The following IZUMO2 variants were observed in gnomAD, a reference collection of about 807,000 sequenced individuals.
IZUMO2 encodes izumo sperm-egg fusion protein 2.
IZUMO2 carries 24 observed loss-of-function variants against 31.2 expected under a neutral mutation model. The ratio of observed to expected loss-of-function variants is 0.77; its 90% confidence interval spans 0.56 to 1.08. IZUMO2 has a LOEUF of 1.08. Among genes scored for constraint, IZUMO2 ranks in the 50% least tolerant of loss-of-function variants. The pLI is 0.00. For synonymous variants in IZUMO2, 144 were observed against 117.3 expected, an observed-to-expected ratio of 1.23 and a Z score of -1.47; for missense variants, 278 against 274.0, an observed-to-expected ratio of 1.01 and a Z score of -0.10.
At position 50,162,752 on chromosome 19, in the gene IZUMO2, A is replaced by G; in HGVS notation, c.294T>C (p.Gly98=). The change falls in exon 2 of 7, where the codon GGT becomes GGC. Residue 98 remains glycine, a synonymous_variant. Coordinates refer to ENST00000293405, the MANE Select transcript of IZUMO2 (RefSeq NM_152358.3). ...FVKNQTQHLM[G]NSLKDEPLLE... is the part of the protein sequence containing the mutation. Reference sequence around the variant, plus strand: ...CGTCTCTCCTACCTTTCAGAGAGTTACCCATTAAGTGCTGCGTTTGGTTCT... The same window carrying G: ...CGTCTCTCCTACCTTTCAGAGAGTTGCCCATTAAGTGCTGCGTTTGGTTCT... The G allele has an allele frequency of 6.2e-7, 1 of 1,613,756 alleles. No homozygotes were observed. The highest frequency in any genetic ancestry group is 8.5e-7 in the Non-Finnish European group (1 of 1,179,760).
chr19:50,153,566 A>G (rs1430584581), intron 6 of IZUMO2: 1 of 152,046 alleles, frequency 6.6e-6, no homozygotes, highest in Non-Finnish European at 1.5e-5. Context: ...CTTTGGGAGG[A>G]TGAGGCAGGT....
At position 50,158,288 on chromosome 19, in the gene IZUMO2, A is replaced by G; in HGVS notation, c.476T>C (p.Ile159Thr). 3.1e-6 allele frequency: 5 copies of G among 1,609,838 alleles called. No individual in the cohort carries two copies. The highest frequency in any genetic ancestry group is 4.2e-6 in the Non-Finnish European group (5 of 1,177,588). Residue 159 changes from isoleucine (I) to threonine (T), a missense_variant, in exon 5 of 7, where the codon ATC becomes ACC. Transcript: ENST00000293405. Reference sequence around the variant, plus strand: ...CTTACCAAAGCAGTACTTTTTGTGGATACACTTGGGAGTGATCCTCTGGCA... The same window carrying G: ...CTTACCAAAGCAGTACTTTTTGTGGGTACACTTGGGAGTGATCCTCTGGCA... ...LHCQRITPKC[I>T]HKKYCFVDRQ... is the part of the protein sequence containing the mutation.
At position 50,159,565 on chromosome 19, in the gene IZUMO2, TC is replaced by T; in HGVS notation, c.322del (p.Glu108LysfsTer4). 6.2e-7 allele frequency: 1 copy of T among 1,612,748 alleles called. No individual in the cohort carries two copies. Among genetic ancestry groups the T allele is most frequent in the Non-Finnish European group, 8.5e-7 (1 of 1,178,846 alleles). On this transcript the variant is annotated frameshift_variant, in exon 3 of 7. Transcript: ENST00000293405. LOFTEE classifies it high-confidence loss of function. ...ATTCGCCCTGAGGGTCACCAGCTCT[TC>T]CAGCAGAGGCTCATCTGAGGAGAGA... ...GNSLKDEPLL[E>X]ELVTLRANVI... is the part of the protein sequence containing the mutation.
In IZUMO2 at chr19:50,159,548, T is replaced by C; in HGVS notation, c.340A>G (p.Arg114Gly). 2 of 1,613,476 alleles carry C rather than the reference T, an allele frequency of 1.2e-6. No homozygotes were observed. Among genetic ancestry groups the C allele is most frequent in the Non-Finnish European group, 1.7e-6 (2 of 1,179,470 alleles). ...TTGAATTCCTTGATCACATTCGCCCTGAGGGTCACCAGCTCTTCCAGCAGA... is the reference window on the plus strand; with the variant it reads ...TTGAATTCCTTGATCACATTCGCCCCGAGGGTCACCAGCTCTTCCAGCAGA... ...EPLLEELVTLRANVIKEFKKV... is the reference protein window; with the variant it reads ...EPLLEELVTLGANVIKEFKKV... Residue 114 changes from arginine to glycine, a missense_variant, in exon 3 of 7, where the codon AGG becomes GGG. Arg to Gly is a moderately radical substitution (Grantham distance 125). Coordinates refer to ENST00000293405, the MANE Select transcript of IZUMO2 (RefSeq NM_152358.3).
chr19:50,163,279 C>T lies in IZUMO2; in HGVS notation c.-85G>A. The T allele has an allele frequency of 1.1e-6, 1 of 948,888 alleles. No individual in the cohort carries two copies. The highest frequency in any genetic ancestry group is 1.7e-5 in the African/African-American group (1 of 60,052). 58.8% of individuals were successfully genotyped at this position (948,888 alleles called of 1,614,324 possible). The stretch of plus-strand genomic sequence containing the variant: ...CGCGGTCAGGAGGCCCAGGGAGCAT[C>T]ACGGTGTTACAGGCACGTGTTCGCT... On this transcript the variant is annotated 5_prime_UTR_variant, in exon 1 of 7. Transcript: ENST00000293405.
intron 5 of IZUMO2, among the ~76,000 whole-genome samples, chr19:50,156,968 GTGTGGGAACGACAT>G (rs1323833517): frequency 2.0e-5 from 3 of 152,178 alleles, no homozygotes; most frequent in Non-Finnish European, 2.9e-5. Flanking sequence ...GGTTTGGAGG[GTGTGGGAACGACAT>G]TGTGGCTACT....
In IZUMO2 at chr19:50,163,122, C is replaced by T; in HGVS notation, c.73G>A (p.Asp25Asn). 1.2e-6 allele frequency: 2 copies of T among 1,603,772 alleles called. No homozygotes were observed. Among genetic ancestry groups the T allele is most frequent in the South Asian group, 1.1e-5 (1 of 89,964 alleles). Residue 25 changes from aspartate (D) to asparagine (N), a missense_variant, in exon 1 of 7, where the codon GAC becomes AAC. Physicochemically the swap from Asp to Asn is conservative, Grantham distance 23 (BLOSUM62 1). Transcript: ENST00000293405. ...APGGWGCLQC[D>N]PLVLEALGHL... ...CCCAGGGCCTCCAGCACCAAGGGGT[C>T]GCACTGCAGGCAGCCCCAGCCTCCG...
At chr19:50,152,872 A>C (rs111354168) in intron 6 of IZUMO2, among the ~76,000 whole-genome samples, 235 of 152,264 alleles carry the variant, frequency 1.5e-3, no homozygotes, top group African/African-American at 5.3e-3. Flanking sequence ...TGATGGTCAA[A>C]TGTGGGAACA....
At position 50,162,760 on chromosome 19, in the gene IZUMO2, A is replaced by G; in HGVS notation, c.286T>C (p.Leu96=). 6.2e-7 allele frequency: 1 copy of G among 1,614,002 alleles called. No individual in the cohort carries two copies. Among genetic ancestry groups the G allele is most frequent in the Non-Finnish European group, 8.5e-7 (1 of 1,179,964 alleles). The change falls in exon 2 of 7, where the codon TTA becomes CTA. Residue 96 remains leucine, a synonymous_variant. Transcript: ENST00000293405. ...ASFVKNQTQH[L]MGNSLKDEPL... is the part of the protein sequence containing the mutation. The stretch of plus-strand genomic sequence containing the variant: ...CTACCTTTCAGAGAGTTACCCATTA[A>G]GTGCTGCGTTTGGTTCTTGACAAAG...
intron 6 of IZUMO2, among the ~76,000 whole-genome samples, chr19:50,152,895 A>G (rs2030076864): frequency 6.6e-6 from 1 of 152,118 alleles, no homozygotes; most frequent in Admixed American, 6.6e-5. Context: ...AAGAGTCCAA[A>G]AAGACAAGAG....
rs2030290028 is a variant in IZUMO2 at position 50,158,451 on chromosome 19, T to C, written c.416-103A>G. 4.5e-6 allele frequency: 3 copies of C among 665,288 alleles called. No homozygotes were observed. In the South Asian group the frequency reaches 6.5e-5, roughly 14 times the overall value. 41.2% of individuals were successfully genotyped at this position (665,288 alleles called of 1,614,324 possible). A position where few individuals can be genotyped will look rare whatever the true frequency, so the allele number is the denominator to read the frequency against. On this transcript the variant is annotated intron_variant, in intron 4 of 6. Coordinates refer to ENST00000293405, the MANE Select transcript of IZUMO2 (RefSeq NM_152358.3). ...AGAGGAGATGGGGTCCCTTGGCTTCTCCTAAATTTCATAGGTCCCACTGCC... is the reference window on the plus strand; with the variant it reads ...AGAGGAGATGGGGTCCCTTGGCTTCCCCTAAATTTCATAGGTCCCACTGCC...
chr19:50,159,095 T>C, intron 4 of IZUMO2, 135 bp downstream of exon 4: 1 of 796,668 alleles, frequency 1.3e-6, no homozygotes, highest in Non-Finnish European at 2.1e-6. Flanking sequence ...AAAGCAAATC[T>C]CCCTAGGTAC....
chr19:50,160,974 A>G (rs1462033153), intron 2 of IZUMO2, among the ~76,000 whole-genome samples: 1 of 152,080 alleles, frequency 6.6e-6, no homozygotes, highest in Non-Finnish European at 1.5e-5. Flanking sequence ...GGCATCTCAA[A>G]CCCACTAAGT....
At position 50,162,817 on chromosome 19, in the gene IZUMO2, G is replaced by A. The variant is rs200272696; in HGVS notation, c.233-4C>T. ...ACAAGGTCCAGTTGATTTGTCTCTGGGGGGAGAAGGGAGAGGACACTCCAG... is the reference window on the plus strand; with the variant it reads ...ACAAGGTCCAGTTGATTTGTCTCTGAGGGGAGAAGGGAGAGGACACTCCAG... On this transcript the variant is annotated splice_region_variant and splice_polypyrimidine_tract_variant and intron_variant, in intron 1 of 6. Coordinates refer to ENST00000293405, the MANE Select transcript of IZUMO2 (RefSeq NM_152358.3). 3.7e-6 allele frequency: 6 copies of A among 1,613,450 alleles called. No individual in the cohort carries two copies. The highest frequency in any genetic ancestry group is 1.7e-4 in the Middle Eastern group (1 of 5,726).
intron 5 of IZUMO2, among the ~76,000 whole-genome samples, chr19:50,155,925 TCTC>T (rs1455797739): frequency 2.0e-5 from 3 of 152,216 alleles, no homozygotes; most frequent in African/African-American, 4.8e-5. Flanking sequence ...ACACTGGCCT[TCTC>T]CTCCTTGTTG....
chr19:50,161,988 A>C (rs1029079865), intron 2 of IZUMO2, among the ~76,000 whole-genome samples: 1 of 152,206 alleles, frequency 6.6e-6, no homozygotes, highest in Non-Finnish European at 1.5e-5. Flanking sequence ...GCCTGTTAAG[A>C]GTATCTTGGT....
intron 6 of IZUMO2, among the ~76,000 whole-genome samples, chr19:50,154,281 T>G (rs529994502): frequency 0.056 from 7,829 of 138,666 alleles, 430 homozygotes; most frequent in South Asian, 0.15. Flanking sequence ...TTTTTTTTTT[T>G]TTTTTTTTTT....
intron 6 of IZUMO2, 33 bp downstream of exon 6, chr19:50,154,567 C>A (rs373238643): frequency 1.1e-5 from 17 of 1,611,876 alleles, no homozygotes; most frequent in Non-Finnish European, 1.4e-5. Flanking sequence ...GTGGGTTCCA[C>A]GGGGGACTGA....
chr19:50,159,648 T>A (rs2030331413), intron 2 of IZUMO2, 68 bp from the exon 3 acceptor site: 1 of 898,472 alleles, frequency 1.1e-6, no homozygotes, highest in African/African-American at 1.7e-5. Context: ...ACCTGAAGCT[T>A]CCAGGAGAAG....
Sources: gnomAD v4.1 joint callset for allele counts (sites outside exome capture counted in the v4.1 genomes callset) on GRCh38, gnomAD v4.1.1 for gene constraint, MANE v1.5 for transcripts, NCBI Gene and HGNC (gene_info 2026-07-23, HGNC 2026-07-21) for gene names.